Variants in REEP5 observed in about 807,000 individuals in gnomAD.
REEP5 encodes receptor accessory protein 5.
Under a neutral mutation model 22.4 loss-of-function variants are expected in REEP5, and 24 were observed. The ratio of observed to expected loss-of-function variants is 1.07; its 90% confidence interval spans 0.78 to 1.51. The LOEUF (loss-of-function observed/expected upper bound fraction) is 1.51. Among genes scored for constraint, REEP5 ranks in the 40% most tolerant of loss-of-function variants. The probability of loss-of-function intolerance (pLI) is 0.00; values close to 1 mark genes in which losing one functional copy is unlikely to be tolerated. For missense variants in REEP5, 252 were observed against 233.0 expected (o/e 1.08, Z -0.53); for synonymous variants, 103 against 88.6 (o/e 1.16, Z -0.92).
At chr5:112,916,614 G>A (rs1769238314) in intron 2 of REEP5, among the ~76,000 whole-genome samples, 1 of 152,242 alleles carries the variant, frequency 6.6e-6, no homozygotes, top group African/African-American at 2.4e-5. Context: ...TGTATTGACA[G>A]GGTCAACTGT....
chr5:112,920,270 G>C (rs142326646), intron 2 of REEP5, among the ~76,000 whole-genome samples: 3 of 152,292 alleles, frequency 2.0e-5, no homozygotes, highest in Non-Finnish European at 2.9e-5. Context: ...ACAGATACAA[G>C]CTGTAATAAT....
chr5:112,897,370 C>A (rs1008361399), intron 3 of REEP5: 6 of 151,104 alleles, frequency 4.0e-5, no homozygotes, highest in African/African-American at 1.5e-4. Context: ...CACACACACA[C>A]ACACACACAC....
At chr5:112,883,443 G>A (rs818797) in intron 4 of REEP5, among the ~76,000 whole-genome samples, 83,563 of 151,988 alleles carry the variant, frequency 0.55, 25,164 homozygotes, top group African/African-American at 0.81. Flanking sequence ...CTTGGCCCCA[G>A]GGATACCACA....
intron 2 of REEP5, among the ~76,000 whole-genome samples, chr5:112,918,946 T>A (rs964540004): frequency 1.3e-5 from 2 of 152,234 alleles, no homozygotes; most frequent in African/African-American, 2.4e-5. Context: ...ACTTTGCCTA[T>A]TTCTTGCCTG....
intron 3 of REEP5, chr5:112,895,501 T>TCAAGG (rs3842055): frequency 6.6e-6 from 1 of 151,834 alleles, no homozygotes; most frequent in Non-Finnish European, 1.5e-5. Context: ...ATGAATTAAG[T>TCAAGG]GTCCACAGTT....
chr5:112,905,563 A>AAAAC (rs1051588868), intron 2 of REEP5, among the ~76,000 whole-genome samples: 1 of 147,526 alleles, frequency 6.8e-6, no homozygotes, highest in African/African-American at 2.5e-5. Context: ...AAACAAAAAA[A>AAAAC]AAACAAACTT....
chr5:112,885,186 A>G, intron 4 of REEP5: 1 of 176,472 alleles, frequency 5.7e-6, no homozygotes, highest in Non-Finnish European at 1.2e-5. Flanking sequence ...GAGAGGAGCC[A>G]GCCAGGAGAT....
Position 112,878,771 on chromosome 5 carries a change from T to C in REEP5, c.*15A>G, listed in dbSNP as rs1405810105. The C allele has an allele frequency of 6.2e-7, 1 of 1,613,996 alleles. No homozygotes were observed. Among genetic ancestry groups the C allele is most frequent in the African/African-American group, 1.3e-5 (1 of 74,916 alleles). On this transcript the variant is annotated 3_prime_UTR_variant, in exon 5 of 5. Coordinates refer to ENST00000379638, the MANE Select transcript of REEP5 (RefSeq NM_005669.5). ...GAAGGTACAGAGAGGGCAGGAAGTT[T>C]CCATCCAGTCTGGTTTAGGTGCTCT...
At chr5:112,892,506 TTC>T (rs1491288984) in intron 3 of REEP5, 24 of 1,614,056 alleles carry the variant, frequency 1.5e-5, no homozygotes, top group Middle Eastern at 3.3e-4. Flanking sequence ...AAGCAGCCCT[TTC>T]TCTGTTTAAC....
intron 2 of REEP5, among the ~76,000 whole-genome samples, chr5:112,916,793 G>A (rs775630408): frequency 6.6e-6 from 1 of 152,176 alleles, no homozygotes; most frequent in Non-Finnish European, 1.5e-5. Context: ...TCTGCTAGTT[G>A]TGAGACCTTG....
chr5:112,886,920 TG>T, intron 4 of REEP5, 94 bp downstream of exon 4: 1 of 853,882 alleles, frequency 1.2e-6, no homozygotes, highest in Non-Finnish European at 1.8e-6. Flanking sequence ...GGCTGAGGGG[TG>T]GTGATAAGAC....
intron 2 of REEP5, among the ~76,000 whole-genome samples, chr5:112,906,860 C>G (rs1768967632): frequency 6.6e-6 from 1 of 152,114 alleles, no homozygotes; most frequent in African/African-American, 2.4e-5. Context: ...AAAGGAAATC[C>G]AAATGGCCAG....
At chr5:112,915,861 A>G (rs1769220226) in intron 2 of REEP5, among the ~76,000 whole-genome samples, 1 of 149,818 alleles carries the variant, frequency 6.7e-6, no homozygotes, top group Non-Finnish European at 1.5e-5. Context: ...GTAAAAAAGA[A>G]CAAAACATAA....
At chr5:112,908,226 G>C (rs1769004337) in intron 2 of REEP5, among the ~76,000 whole-genome samples, 1 of 149,170 alleles carries the variant, frequency 6.7e-6, no homozygotes, top group African/African-American at 2.5e-5. Context: ...TCAGCCTCCT[G>C]AGTAGCTGGG....
intron 3 of REEP5, chr5:112,893,879 A>T (rs1413465635): frequency 6.6e-6 from 1 of 152,242 alleles, no homozygotes; most frequent in East Asian, 1.9e-4. Flanking sequence ...AGCATGCCCT[A>T]AGTTTAGCCA....
Position 112,915,259 on chromosome 5 carries a change from T to C in REEP5, c.212+5904A>G, listed in dbSNP as rs1021279647. On this transcript the variant is annotated intron_variant, in intron 2 of 4. Coordinates refer to ENST00000379638, the MANE Select transcript of REEP5 (RefSeq NM_005669.5). ...ACATTCCAGAATAGAGTATTAGAAA[T>C]GAGATCCTCCTCCACAACTGCTTTA... 5.3e-5 allele frequency among the ~76,000 whole-genome samples: 8 copies of C among 152,074 alleles called. No individual in the cohort carries two copies. In the East Asian group the frequency reaches 5.8e-4, roughly 11 times the overall value.
chr5:112,921,704 G>T, intron 1 of REEP5: 1 of 237,558 alleles, frequency 4.2e-6, no homozygotes, highest in South Asian at 6.3e-5. Context: ...ACGGAGGGTC[G>T]GGTAGGACCG....
chr5:112,887,099 GGAA>G lies in REEP5; in HGVS notation c.433_435del (p.Phe145del). 1.2e-6 allele frequency: 2 copies of G among 1,613,736 alleles called. No individual in the cohort carries two copies. The highest frequency in any genetic ancestry group is 1.7e-6 in the Non-Finnish European group (2 of 1,179,924). Reference sequence around the variant, plus strand: ...CTGTCCATCTGGGACTCGTGCTTCAGGAAGAAAGGACGGATGATGCGCTTGTAG... The same window carrying G: ...CTGTCCATCTGGGACTCGTGCTTCAGGAAAGGACGGATGATGCGCTTGTAG... On this transcript the variant is annotated inframe_deletion, in exon 4 of 5. Transcript: ENST00000379638.
intron 3 of REEP5, among the ~76,000 whole-genome samples, chr5:112,901,427 G>C (rs1004475902): frequency 2.0e-5 from 3 of 152,198 alleles, no homozygotes; most frequent in Admixed American, 6.5e-5. Flanking sequence ...GTCAGATTGA[G>C]TCCGGGCACG....
Sources: allele counts gnomAD v4.1 joint callset (sites outside exome capture counted in the v4.1 genomes callset), GRCh38; gene constraint gnomAD v4.1.1; transcripts MANE v1.5; gene names NCBI Gene and HGNC (gene_info 2026-07-23, HGNC 2026-07-21).